The following ANKS1B variants were observed in gnomAD, a reference collection of about 807,000 sequenced individuals.
The protein encoded by ANKS1B is ankyrin repeat and sterile alpha motif domain containing 1B, also known as ankyrin repeat and sterile alpha motif domain-containing protein 1B.
In ANKS1B, 36 loss-of-function variants were observed where a neutral mutation model predicts 148.3. That is an observed-to-expected ratio of 0.24 (90% CI 0.19 to 0.32). The LOEUF (loss-of-function observed/expected upper bound fraction) is 0.32. Ranked by LOEUF, ANKS1B falls within the 10% of genes least tolerant of loss-of-function variation. ANKS1B has a pLI of 1.00. For synonymous variants in ANKS1B, 542 were observed against 560.8 expected, an observed-to-expected ratio of 0.97 and a Z score of 0.47; for missense variants, 1,157 against 1,542.6, an observed-to-expected ratio of 0.75 and a Z score of 4.19.
chr12:99,504,757 G>T, intron 9 of ANKS1B, 116 bp from the exon 10 acceptor site: 1 of 712,186 alleles, frequency 1.4e-6, no homozygotes, highest in Non-Finnish European at 2.2e-6. Flanking sequence ...ATTGACAGCT[G>T]ATGATTCATC....
At chr12:99,799,033 G>T (rs2153654171) in intron 4 of ANKS1B, among the ~76,000 whole-genome samples, 1 of 152,106 alleles carries the variant, frequency 6.6e-6, no homozygotes, top group East Asian at 1.9e-4. Context: ...TTCACTTCAA[G>T]CTTCTATCCG....
intron 8 of ANKS1B, among the ~76,000 whole-genome samples, chr12:99,743,073 T>C (rs923462305): frequency 6.6e-6 from 1 of 152,188 alleles, no homozygotes; most frequent in Non-Finnish European, 1.5e-5. Context: ...CTCTAGTTTA[T>C]AGCCTAGCAG....
At chr12:99,399,893 G>A in intron 11 of ANKS1B, 82 bp from the exon 12 acceptor site, 2 of 1,425,396 alleles carry the variant, frequency 1.4e-6, no homozygotes, top group Non-Finnish European at 1.9e-6. Flanking sequence ...TAATCTAAGT[G>A]ATAATTTTTT....
chr12:99,929,285 T>C (rs904621865), intron 1 of ANKS1B, among the ~76,000 whole-genome samples: 1 of 152,340 alleles, frequency 6.6e-6, no homozygotes, highest in Admixed American at 6.5e-5. Flanking sequence ...TTTGGCTGCA[T>C]AAATGTCTTC....
At chr12:99,284,776 G>A (rs988614020) in intron 12 of ANKS1B, among the ~76,000 whole-genome samples, 3 of 152,102 alleles carry the variant, frequency 2.0e-5, no homozygotes, top group African/African-American at 4.8e-5. Flanking sequence ...CAACGTCCAA[G>A]CTCCTCCCTG....
intron 17 of ANKS1B, among the ~76,000 whole-genome samples, chr12:98,842,006 A>C (rs898498395): frequency 6.6e-6 from 1 of 152,130 alleles, no homozygotes; most frequent in Non-Finnish European, 1.5e-5. Flanking sequence ...TTTTGAGGAA[A>C]CTGCCAGTTT....
intron 15 of ANKS1B, among the ~76,000 whole-genome samples, chr12:99,112,117 G>C (rs1054353702): frequency 6.6e-6 from 1 of 152,098 alleles, no homozygotes; most frequent in Non-Finnish European, 1.5e-5. Context: ...TTATAGAAGA[G>C]GAAGTAAAGG....
intron 9 of ANKS1B, among the ~76,000 whole-genome samples, chr12:99,589,882 C>T (rs928915954): frequency 1.7e-4 from 26 of 152,016 alleles, no homozygotes; most frequent in African/African-American, 6.3e-4. Flanking sequence ...CCCAATTACC[C>T]TGATTTGACT....
intron 17 of ANKS1B, among the ~76,000 whole-genome samples, chr12:98,966,998 C>T (rs1188676566): frequency 1.3e-5 from 2 of 151,990 alleles, no homozygotes; most frequent in African/African-American, 4.8e-5. Context: ...TGTAACAAAC[C>T]TGCACGTTGT....
At chr12:99,154,522 C>A in intron 14 of ANKS1B, 127 bp from the exon 15 acceptor site, 1 of 1,600,644 alleles carries the variant, frequency 6.2e-7, no homozygotes, top group South Asian at 1.1e-5. Flanking sequence ...TCAAAGGAGC[C>A]CGCCAGCTTG....
rs761735404 is a variant in ANKS1B at position 98,801,060 on chromosome 12, C to A, written c.3207G>T (p.Pro1069=). The A allele has an allele frequency of 6.2e-7, 1 of 1,612,632 alleles. No homozygotes were observed. The highest frequency in any genetic ancestry group is 8.5e-7 in the Non-Finnish European group (1 of 1,179,358). Residue 1069 remains proline (P), a synonymous_variant, in exon 21 of 27, where the codon CCG becomes CCT. Coordinates refer to ENST00000683438, the MANE Select transcript of ANKS1B (RefSeq NM_001352186.2). This position sits in a 1 kb window ranked among gnomAD's most constrained non-coding sequence, Gnocchi z 5.2. ...CTGGGTGATGCTGCCAGTACTGTAC[C>A]GGGGTAGAGGCTGTGGCTTCATTCG... ...RPPNEATAST[P]VQYWQHHPEK...
At chr12:98,777,094 G>A (rs1425138712) in intron 24 of ANKS1B, among the ~76,000 whole-genome samples, 1 of 152,202 alleles carries the variant, frequency 6.6e-6, no homozygotes, top group African/African-American at 2.4e-5. Context: ...TCTGGAGGCT[G>A]AGGTTGGGGG....
chr12:99,566,913 C>G (rs1335649281), intron 9 of ANKS1B, among the ~76,000 whole-genome samples: 1 of 152,230 alleles, frequency 6.6e-6, no homozygotes. Flanking sequence ...TGTCTACTGT[C>G]TAATCCCAAA....
intron 9 of ANKS1B, among the ~76,000 whole-genome samples, chr12:99,520,350 C>T (rs931105889): frequency 6.6e-6 from 1 of 152,150 alleles, no homozygotes; most frequent in African/African-American, 2.4e-5. Context: ...ATATACTATT[C>T]CTGGGTAAAA....
At chr12:99,373,472 A>C (rs1376622901) in intron 12 of ANKS1B, among the ~76,000 whole-genome samples, 4 of 152,134 alleles carry the variant, frequency 2.6e-5, no homozygotes, top group African/African-American at 4.8e-5. Flanking sequence ...GCAATGGCCC[A>C]TCCTCCCCTG....
chr12:99,388,033 T>C (rs1245433694), intron 12 of ANKS1B, among the ~76,000 whole-genome samples: 1 of 152,108 alleles, frequency 6.6e-6, no homozygotes, highest in Non-Finnish European at 1.5e-5. Flanking sequence ...GTGTTGAGCA[T>C]GCTAAGACAT....
At chr12:99,097,650 T>C (rs949087456) in intron 15 of ANKS1B, among the ~76,000 whole-genome samples, 5 of 152,158 alleles carry the variant, frequency 3.3e-5, no homozygotes, top group Non-Finnish European at 7.4e-5. Flanking sequence ...TTCAAATCAA[T>C]GATAGTAATA....
chr12:99,605,369 A>C (rs10860473), intron 9 of ANKS1B, among the ~76,000 whole-genome samples: 24,504 of 151,974 alleles, frequency 0.16, 2,265 homozygotes, highest in Middle Eastern at 0.2. Context: ...ATTTTCAAAT[A>C]TATAATACAT....
intron 17 of ANKS1B, among the ~76,000 whole-genome samples, chr12:98,885,075 T>G (rs1420865555): frequency 6.6e-6 from 1 of 152,150 alleles, no homozygotes; most frequent in Non-Finnish European, 1.5e-5. Flanking sequence ...TTCTCATCTT[T>G]CACATTAATT....
Sources: allele counts gnomAD v4.1 joint callset (sites outside exome capture counted in the v4.1 genomes callset), GRCh38; gene constraint gnomAD v4.1.1; non-coding constraint Gnocchi (gnomAD v3.1); transcripts MANE v1.5; gene names NCBI Gene and HGNC (gene_info 2026-07-23, HGNC 2026-07-21).